The following EYS variants were observed in gnomAD, a reference collection of about 807,000 sequenced individuals.
EYS encodes the protein EGF-like photoreceptor maintenance factor.
A neutral mutation model predicts 282.1 loss-of-function variants in EYS; 250 were observed. The observed-to-expected ratio is 0.89, with a 90% CI of 0.80 to 0.98. The LOEUF (loss-of-function observed/expected upper bound fraction) is 0.98, where lower values mean the gene tolerates loss of function less well. Among genes scored for constraint, EYS ranks in the 50% least tolerant of loss-of-function variants. The pLI is 0.00. For missense variants in EYS, 4,016 were observed against 3,709.0 expected, an observed-to-expected ratio of 1.08 and a Z score of -2.15; for synonymous variants, 1,355 against 1,282.9, an observed-to-expected ratio of 1.06 and a Z score of -1.20.
intron 12 of EYS, among the ~76,000 whole-genome samples, chr6:65,065,763 A>G (rs1316115174): frequency 6.6e-6 from 1 of 152,196 alleles, no homozygotes; most frequent in Non-Finnish European, 1.5e-5. Context: ...ACACATGCCT[A>G]GGAAACTTTT....
At position 64,794,409 on chromosome 6, in the gene EYS, C is replaced by T. The variant is rs370625979; in HGVS notation, c.3443+18969G>A. On this transcript the variant is annotated intron_variant, in intron 22 of 42. Transcript: ENST00000503581. The stretch of plus-strand genomic sequence containing the variant: ...ATCATGGGGGCAGACTTCTCTCTTG[C>T]TATCATGATAGAGTTTTCACAAGAT... 4.6e-5 allele frequency among the ~76,000 whole-genome samples: 7 copies of T among 152,208 alleles called. No homozygotes were observed. The East Asian group carries it at 1.4e-3, about 29-fold the overall frequency.
chr6:65,702,189 T>C (rs2149853231), intron 1 of EYS, among the ~76,000 whole-genome samples: 1 of 151,418 alleles, frequency 6.6e-6, no homozygotes, highest in Middle Eastern at 3.4e-3. Flanking sequence ...CTATTTTCTT[T>C]CAAAAATAAA....
intron 35 of EYS, among the ~76,000 whole-genome samples, chr6:63,878,112 C>T (rs1773028821): frequency 6.6e-6 from 1 of 152,174 alleles, no homozygotes; most frequent in Non-Finnish European, 1.5e-5. Flanking sequence ...GTGGTTTTAT[C>T]TACCTTTGGT....
At position 63,942,162 on chromosome 6, in the gene EYS, A is replaced by G. The variant is rs781620991; in HGVS notation, c.7055+42221T>C. Among the ~76,000 whole-genome samples, 6 of 152,336 alleles carry G rather than the reference A, an allele frequency of 3.9e-5. No homozygotes were observed. In the South Asian group the frequency reaches 6.2e-4, roughly 16 times the overall value. ...CACTCTATAGACAGGATTGTCAACA[A>G]TGAGGAAGATAATCCCAGTAGAGAG... On this transcript the variant is annotated intron_variant, in intron 35 of 42. Transcript: ENST00000503581.
intron 29 of EYS, among the ~76,000 whole-genome samples, chr6:64,368,806 C>A (rs1239320376): frequency 2.0e-5 from 3 of 152,064 alleles, no homozygotes; most frequent in Non-Finnish European, 2.9e-5. Flanking sequence ...GGATACTAGA[C>A]CTTTGCTGTA....
At chr6:63,783,272 G>C (rs558551622) in intron 39 of EYS, among the ~76,000 whole-genome samples, 4 of 152,126 alleles carry the variant, frequency 2.6e-5, no homozygotes, top group African/African-American at 4.8e-5. Context: ...AGTCCAAAGG[G>C]TGGTTAGGGT....
chr6:65,351,331 A>C (rs1764266673), intron 9 of EYS, among the ~76,000 whole-genome samples: 2 of 151,784 alleles, frequency 1.3e-5, no homozygotes, highest in South Asian at 4.1e-4. Context: ...CTGTCCAGTA[A>C]TTCAGGAAGG....
At position 63,959,611 on chromosome 6, in the gene EYS, C is replaced by T. The variant is rs908301219; in HGVS notation, c.7055+24772G>A. On this transcript the variant is annotated intron_variant, in intron 35 of 42. Coordinates refer to ENST00000503581, the MANE Select transcript of EYS (RefSeq NM_001142800.2). ...ACAGTAACAAAGACCTGGAACCAAC[C>T]CAAATGTCCATCAGTGATATACTGG... Among the ~76,000 whole-genome samples, 3 of 152,134 alleles carry T rather than the reference C, an allele frequency of 2.0e-5. 1 individual carries two copies. In the South Asian group the frequency reaches 6.2e-4, roughly 32 times the overall value.
chr6:63,762,896 CA>C (rs1769683787), intron 40 of EYS, among the ~76,000 whole-genome samples: 1 of 152,008 alleles, frequency 6.6e-6, no homozygotes, highest in African/African-American at 2.4e-5. Context: ...GACAAAATTG[CA>C]TTGTAAGTCT....
At chr6:64,800,004 C>G (rs1251998164) in intron 22 of EYS, among the ~76,000 whole-genome samples, 1 of 151,860 alleles carries the variant, frequency 6.6e-6, no homozygotes, top group Non-Finnish European at 1.5e-5. Context: ...CAATATAATC[C>G]TTTTATCTTC....
At chr6:65,098,982 G>T (rs1220419564) in intron 12 of EYS, among the ~76,000 whole-genome samples, 1 of 150,592 alleles carries the variant, frequency 6.6e-6, no homozygotes, top group Non-Finnish European at 1.5e-5. Flanking sequence ...ACACCATCAA[G>T]CTAAGCCATT....
chr6:65,084,128 TAAC>T (rs1774299766), intron 12 of EYS, among the ~76,000 whole-genome samples: 1 of 152,036 alleles, frequency 6.6e-6, no homozygotes, highest in South Asian at 2.1e-4. Context: ...GAAGAAATAA[TAAC>T]ACTATTTGAT....
intron 2 of EYS, among the ~76,000 whole-genome samples, chr6:65,514,956 A>C (rs1378437628): frequency 6.6e-6 from 1 of 152,160 alleles, no homozygotes; most frequent in Non-Finnish European, 1.5e-5. Context: ...TAATTAAACT[A>C]AAGAGCTTCT....
intron 12 of EYS, among the ~76,000 whole-genome samples, chr6:65,237,714 T>C (rs760923857): frequency 6.6e-6 from 1 of 152,184 alleles, no homozygotes; most frequent in African/African-American, 2.4e-5. Flanking sequence ...TATTATGAGA[T>C]TTAAATGAGT....
At chr6:65,236,376 C>T (rs1258736365) in intron 12 of EYS, among the ~76,000 whole-genome samples, 1 of 152,114 alleles carries the variant, frequency 6.6e-6, no homozygotes, top group Non-Finnish European at 1.5e-5. Context: ...CTTCTGGAGG[C>T]CAAGGCAGGT....
In EYS at chr6:64,707,106, T is replaced by TACAC. The variant is rs541099764; in HGVS notation, c.3444-80865_3444-80862dup. On this transcript the variant is annotated intron_variant, in intron 22 of 42. Transcript: ENST00000503581. ...AAAGAAATTGTGAGATATATATGCA[T>TACAC]ACACACACACACACACACACACACA... 2.8e-3 allele frequency among the ~76,000 whole-genome samples: 321 copies of TACAC among 112,712 alleles called. 5 individuals carry two copies. In the East Asian group the frequency reaches 0.054, roughly 19 times the overall value. The allele number at this position is 112,712 out of a possible 152,430, so 73.9% of individuals were successfully genotyped here.
intron 29 of EYS, among the ~76,000 whole-genome samples, chr6:64,346,550 T>G (rs1771405387): frequency 6.6e-6 from 1 of 150,762 alleles, no homozygotes; most frequent in South Asian, 2.1e-4. Flanking sequence ...CAGGGATTGT[T>G]GTGGGGTGGG....
chr6:63,833,417 C>T (rs1187291461), intron 36 of EYS, among the ~76,000 whole-genome samples: 1 of 151,726 alleles, frequency 6.6e-6, no homozygotes, highest in South Asian at 2.1e-4. Context: ...TTCCTATACA[C>T]CAATAAGAAA....
chr6:64,705,394 C>G (rs1279455258), intron 22 of EYS, among the ~76,000 whole-genome samples: 1 of 151,966 alleles, frequency 6.6e-6, no homozygotes, highest in Non-Finnish European at 1.5e-5. Context: ...TGAAAATGAC[C>G]ATACTGCCAA....
Sources: gnomAD v4.1 joint callset for allele counts (sites outside exome capture counted in the v4.1 genomes callset) on GRCh38, gnomAD v4.1.1 for gene constraint, MANE v1.5 for transcripts, NCBI Gene and HGNC (gene_info 2026-07-23, HGNC 2026-07-21) for gene names.